Variants in TWF1 observed in about 807,000 individuals in gnomAD.
TWF1 encodes the protein twinfilin actin binding protein 1.
In TWF1, 14 loss-of-function variants were observed where a neutral mutation model predicts 47.9. The ratio of observed to expected loss-of-function variants is 0.29; its 90% CI spans 0.19 to 0.46. TWF1 has a LOEUF of 0.46. Among genes scored for constraint, TWF1 ranks in the 20% least tolerant of loss-of-function variants. TWF1 has a pLI of 1.00. For synonymous variants in TWF1, 96 were observed against 139.2 expected (o/e 0.69, Z 2.18); for missense variants, 281 against 409.3 (o/e 0.69, Z 2.70).
At position 43,806,000 on chromosome 12, in the gene TWF1, A is replaced by T. The variant is rs757335286; in HGVS notation, c.25+221T>A. On this transcript the variant is annotated intron_variant, in intron 1 of 8. Transcript: ENST00000395510. ...CCTTCGCTCCCCCGAATTTCGGATC[A>T]ATCTGCAACGTGACGGCAGCAGGGA... 2.0e-6 allele frequency: 3 copies of T among 1,531,152 alleles called. No individual in the cohort carries two copies. In the East Asian group the frequency reaches 7.4e-5, roughly 38 times the overall value. The allele number at this position is 1,531,152 out of a possible 1,614,324, so 94.8% of individuals were successfully genotyped here.
rs558387529 is a variant in TWF1 at position 43,805,479 on chromosome 12, G to T, written c.25+742C>A. On this transcript the variant is annotated intron_variant, in intron 1 of 8. Coordinates refer to ENST00000395510, the MANE Select transcript of TWF1 (RefSeq NM_002822.5). Reference sequence around the variant, plus strand: ...ACACTAGAACTCGTTAAGTGATCGCGAGTAACCCGGGGATATATTATTTGA... The same window carrying T: ...ACACTAGAACTCGTTAAGTGATCGCTAGTAACCCGGGGATATATTATTTGA... The T allele has an allele frequency of 2.4e-4, 107 of 451,820 alleles. 3 individuals are homozygous for T. Among genetic ancestry groups the T allele is most frequent in the South Asian group, 1.6e-3 (103 of 64,104 alleles). 28.0% of individuals were successfully genotyped at this position (451,820 alleles called of 1,614,324 possible).
At position 43,797,787 on chromosome 12, in the gene TWF1, C is replaced by T; in HGVS notation, c.530G>A (p.Gly177Glu). Residue 177 changes from glycine to glutamate, a missense_variant, in exon 6 of 9, where the codon GGA becomes GAA. Coordinates refer to ENST00000395510, the MANE Select transcript of TWF1 (RefSeq NM_002822.5). The stretch of plus-strand genomic sequence containing the variant: ...TTCTCGAGAAATGGGAAATGCTACT[C>T]CTTGTAGTGTTTGATGCTTAGTGTC... ...GVDTKHQTLQ[G>E]VAFPISREAF... 1 of 1,613,406 alleles carries T rather than the reference C, an allele frequency of 6.2e-7. No homozygotes were observed. Among genetic ancestry groups the T allele is most frequent in the Non-Finnish European group, 8.5e-7 (1 of 1,179,484 alleles).
chr12:43,799,260 CTTA>C, intron 5 of TWF1, 135 bp downstream of exon 5: 1 of 501,446 alleles, frequency 2.0e-6, no homozygotes, highest in Non-Finnish European at 3.4e-6. Context: ...AGCACATAGC[CTTA>C]TCTCTAAACT....
Position 43,797,406 on chromosome 12 carries a change from T to A in TWF1, c.656A>T (p.Asn219Ile). Residue 219 changes from asparagine (N) to isoleucine (I), a missense_variant, in exon 7 of 9, where the codon AAT (asparagine) becomes ATT (isoleucine). Physicochemically the swap from Asn to Ile is moderately radical, Grantham distance 149. Transcript: ENST00000395510. Reference protein sequence around the residue: ...NEIIILANTTNTELKDLPKRI... With the variant: ...NEIIILANTTITELKDLPKRI... ...CTTTGGCAAATCTTTCAGTTCTGTA[T>A]TTGTTGTGTTGGCCAAAATTATAAT... The A allele has an allele frequency of 6.2e-7, 1 of 1,601,896 alleles. No individual in the cohort carries two copies. The highest frequency in any genetic ancestry group is 8.5e-7 in the Non-Finnish European group (1 of 1,174,734).
Position 43,800,511 on chromosome 12 carries a change from TACA to T in TWF1, c.299_301del (p.Leu100del), listed in dbSNP as rs1181140640. The T allele has an allele frequency of 8.7e-6, 14 of 1,613,738 alleles. No individual in the cohort carries two copies. The highest frequency in any genetic ancestry group is 2.2e-5 in the East Asian group (1 of 44,818). ...CTTCAGAGTTGCTCTTGTTGCTGCA[TACA>T]ACATTTTTTGACGAACCTATTCAGT... On this transcript the variant is annotated inframe_deletion, in exon 4 of 9. Transcript: ENST00000395510.
chr12:43,804,672 G>A, intron 1 of TWF1, 100 bp from the exon 2 acceptor site: 1 of 727,894 alleles, frequency 1.4e-6, no homozygotes, highest in Non-Finnish European at 2.2e-6. Context: ...AAAAAATCTG[G>A]AGCATGTAGC....
At chr12:43,800,414 A>G (rs780895543) in intron 4 of TWF1, 21 bp downstream of exon 4, 1 of 1,572,648 alleles carries the variant, frequency 6.4e-7, no homozygotes, top group Non-Finnish European at 8.7e-7. Context: ...AACATATAGA[A>G]TCCACATACA....
chr12:43,795,401 C>A lies in TWF1; in HGVS notation c.*184G>T, dbSNP rs979197043. 1.9e-6 allele frequency: 1 copy of A among 539,870 alleles called. No individual in the cohort carries two copies. The highest frequency in any genetic ancestry group is 3.3e-6 in the Non-Finnish European group (1 of 304,890). 33.4% of individuals were successfully genotyped at this position (539,870 alleles called of 1,614,324 possible). A position where few individuals can be genotyped will look rare whatever the true frequency, so the allele number is the denominator to read the frequency against. On this transcript the variant is annotated 3_prime_UTR_variant, in exon 9 of 9. Coordinates refer to ENST00000395510, the MANE Select transcript of TWF1 (RefSeq NM_002822.5). ...GTTGAACCCTTTTCTAGCTTTAACT[C>A]AAAAATAGAAATCATGAGTCTTCTA...
In TWF1 at chr12:43,801,194, G is replaced by T. The variant is rs73093791; in HGVS notation, c.283-664C>A. On this transcript the variant is annotated intron_variant, in intron 3 of 8. Coordinates refer to ENST00000395510, the MANE Select transcript of TWF1 (RefSeq NM_002822.5). The stretch of plus-strand genomic sequence containing the variant: ...ACATTCTTCTCAAAGCTGTATCAAA[G>T]ATTACGAATTAAGTTGTTAAGAATC... Among the ~76,000 whole-genome samples the T allele has an allele frequency of 4.5e-3, 692 of 152,298 alleles. 3 individuals carry two copies. Among genetic ancestry groups the T allele is most frequent in the Non-Finnish European group, 7.9e-3 (536 of 68,024 alleles).
chr12:43,801,541 A>G (rs1224900360), intron 3 of TWF1, among the ~76,000 whole-genome samples: 1 of 152,182 alleles, frequency 6.6e-6, no homozygotes, highest in Admixed American at 6.5e-5. Context: ...TATACAGTCA[A>G]TCTACTACCA....
rs1942526001 is a variant in TWF1 at position 43,795,087 on chromosome 12, A to C, written c.*498T>G. 6.6e-6 allele frequency: 1 copy of C among 152,390 alleles called. No homozygotes were observed. The highest frequency in any genetic ancestry group is 2.1e-4 in the South Asian group (1 of 4,844). The allele number at this position is 152,390 out of a possible 1,614,324, so 9.4% of individuals were successfully genotyped here. ...AAAGCACTATTTCTAAAAGTTGCAG[A>C]CATGATCCTACAGTCTGACAGAGCT... On this transcript the variant is annotated 3_prime_UTR_variant, in exon 9 of 9. Coordinates refer to ENST00000395510, the MANE Select transcript of TWF1 (RefSeq NM_002822.5).
In TWF1 at chr12:43,804,496, A is replaced by G. The variant is rs764224929; in HGVS notation, c.102T>C (p.Asn34=). The G allele has an allele frequency of 1.6e-5, 25 of 1,579,118 alleles. No homozygotes were observed. Among genetic ancestry groups the G allele is most frequent in the Non-Finnish European group, 2.1e-5 (24 of 1,156,728 alleles). The change falls in exon 2 of 9, where the codon AAT becomes AAC. Residue 34 remains asparagine (N), a splice_region_variant and synonymous_variant. Coordinates refer to ENST00000395510, the MANE Select transcript of TWF1 (RefSeq NM_002822.5). ...AATATTTTAAAATATTTAACTAACC[A>G]TTTTCAATAGATATTTTCAGAAGTC... ...KYRLLKISIE[N]EQLVIGSYSQ...
chr12:43,806,313 A>G lies in TWF1; in HGVS notation c.-68T>C, dbSNP rs761861115. The G allele has an allele frequency of 1.4e-3, 1,963 of 1,410,782 alleles. 1 individual carries two copies. The highest frequency in any genetic ancestry group is 1.7e-3 in the Non-Finnish European group (1,800 of 1,083,116). 87.4% of individuals were successfully genotyped at this position (1,410,782 alleles called of 1,614,324 possible). A position where few individuals can be genotyped will look rare whatever the true frequency, so the allele number is the denominator to read the frequency against. On this transcript the variant is annotated 5_prime_UTR_variant, in exon 1 of 9. Coordinates refer to ENST00000395510, the MANE Select transcript of TWF1 (RefSeq NM_002822.5). ...AGCGGCCCCGGCCGGCGGCCCCAGG[A>G]AGTGGCTGCTCCTCCGCCGGCCCCG...
intron 5 of TWF1, 74 bp downstream of exon 5, chr12:43,799,324 C>T (rs1942615898): frequency 1.9e-5 from 18 of 967,782 alleles, no homozygotes; most frequent in Non-Finnish European, 3.1e-6. Context: ...AGTTATCCTC[C>T]CACATCTATT....
At chr12:43,796,668 C>A (rs1271485946) in intron 8 of TWF1, among the ~76,000 whole-genome samples, 2 of 152,020 alleles carry the variant, frequency 1.3e-5, no homozygotes, top group African/African-American at 4.8e-5. Flanking sequence ...CTGCACTAAC[C>A]AATACGGTAG....
At chr12:43,796,285 G>A (rs1022950485) in intron 8 of TWF1, among the ~76,000 whole-genome samples, 1 of 152,106 alleles carries the variant, frequency 6.6e-6, no homozygotes, top group African/African-American at 2.4e-5. Flanking sequence ...TGCTATAGAA[G>A]GTGCTACCCA....
At chr12:43,798,322 T>G (rs1045422050) in intron 5 of TWF1, among the ~76,000 whole-genome samples, 4 of 152,066 alleles carry the variant, frequency 2.6e-5, no homozygotes, top group African/African-American at 9.7e-5. Flanking sequence ...GTTCCAGACT[T>G]AAGAGATTTC....
chr12:43,803,226 A>AG (rs1319430958), intron 2 of TWF1, among the ~76,000 whole-genome samples: 1 of 152,188 alleles, frequency 6.6e-6, no homozygotes, highest in Non-Finnish European at 1.5e-5. Flanking sequence ...AAAGATACAG[A>AG]GTAAGATGGT....
rs376442190 is a variant in TWF1 at position 43,795,752 on chromosome 12, C to T, written c.886G>A (p.Glu296Lys). 1.8e-5 allele frequency: 29 copies of T among 1,612,910 alleles called. No homozygotes were observed. The highest frequency in any genetic ancestry group is 1.1e-4 in the African/African-American group (8 of 74,806). Reference sequence around the variant, plus strand: ...GTCAACTCATCCCCATTGTCTATCTCGATCTGTAAAAGATAAAATTAGAAG... The same window carrying T: ...GTCAACTCATCCCCATTGTCTATCTTGATCTGTAAAAGATAAAATTAGAAG... ...QLQMDVIRKI[E>K]IDNGDELTAD... Residue 296 changes from glutamate to lysine, a missense_variant, in exon 9 of 9, where the codon GAG (glutamate) becomes AAG (lysine). Coordinates refer to ENST00000395510, the MANE Select transcript of TWF1 (RefSeq NM_002822.5).
Sources: gnomAD v4.1 joint callset for allele counts (sites outside exome capture counted in the v4.1 genomes callset) on GRCh38, gnomAD v4.1.1 for gene constraint, MANE v1.5 for transcripts, NCBI Gene and HGNC (gene_info 2026-07-23, HGNC 2026-07-21) for gene names.